Variants in LRRK2 observed in about 807,000 individuals in gnomAD.
The protein encoded by LRRK2 is leucine-rich repeat serine/threonine-protein kinase 2.
A neutral mutation model predicts 302.6 loss-of-function variants in LRRK2; 203 were observed. The ratio of observed to expected loss-of-function variants is 0.67; its 90% CI spans 0.60 to 0.75. The LOEUF (loss-of-function observed/expected upper bound fraction) is 0.75. LRRK2 is among the 30% of genes least tolerant of loss of function. LRRK2 has a pLI of 0.00. For missense variants in LRRK2, 2,830 were observed against 2,951.0 expected, an observed-to-expected ratio of 0.96 and a Z score of 0.95; for synonymous variants, 1,066 against 1,031.9, an observed-to-expected ratio of 1.03 and a Z score of -0.63.
chr12:40,232,954 A>G (rs950326955), intron 3 of LRRK2, among the ~76,000 whole-genome samples: 1 of 152,262 alleles, frequency 6.6e-6, no homozygotes, highest in Non-Finnish European at 1.5e-5. Context: ...AGTTTGCAGC[A>G]TAATGGCTTC....
intron 25 of LRRK2, among the ~76,000 whole-genome samples, chr12:40,301,803 T>C (rs137930990): frequency 2.6e-3 from 389 of 152,252 alleles, no homozygotes; most frequent in African/African-American, 8.8e-3. Flanking sequence ...GAAAAGAGAC[T>C]GTGTGATTTT....
In LRRK2 at chr12:40,335,038, G is replaced by T; in HGVS notation, c.5829G>T (p.Arg1943=). 6.2e-7 allele frequency: 1 copy of T among 1,614,114 alleles called. No individual in the cohort carries two copies. The change falls in exon 40 of 51, where the codon CGG becomes CGT. Residue 1943 remains arginine, a synonymous_variant. Transcript: ENST00000298910. ...TGCTGGCAGCTGGGATTCGTCCCCGGATGTTGGTGATGGAGTTAGCCTCCA... is the reference window on the plus strand; with the variant it reads ...TGCTGGCAGCTGGGATTCGTCCCCGTATGTTGGTGATGGAGTTAGCCTCCA... The part of the protein sequence containing the change: ...ISLLAAGIRP[R]MLVMELASKG...
chr12:40,262,384 T>C (rs1017261322), intron 13 of LRRK2, among the ~76,000 whole-genome samples: 1 of 152,140 alleles, frequency 6.6e-6, no homozygotes, highest in Non-Finnish European at 1.5e-5. Context: ...CATAGAATTG[T>C]AGAGATTTTT....
At chr12:40,287,057 G>T (rs1205523730) in intron 19 of LRRK2, among the ~76,000 whole-genome samples, 1 of 151,948 alleles carries the variant, frequency 6.6e-6, no homozygotes, top group Non-Finnish European at 1.5e-5. Flanking sequence ...TCTATGACTT[G>T]AACACAGGCC....
chr12:40,343,989 A>T (rs1453418106), intron 41 of LRRK2, among the ~76,000 whole-genome samples: 1 of 152,196 alleles, frequency 6.6e-6, no homozygotes, highest in Non-Finnish European at 1.5e-5. Flanking sequence ...GAAGATATTT[A>T]CTTTGAAAAG....
At chr12:40,283,507 T>TTC (rs1943792718) in intron 18 of LRRK2, among the ~76,000 whole-genome samples, 1 of 152,218 alleles carries the variant, frequency 6.6e-6, no homozygotes, top group Admixed American at 6.5e-5. Context: ...GTTAAGGTAC[T>TTC]GGTTTCCCAG....
At chr12:40,310,279 G>A (rs972244469) in intron 30 of LRRK2, 152 bp from the exon 31 acceptor site, 1 of 795,226 alleles carries the variant, frequency 1.3e-6, no homozygotes, top group Non-Finnish European at 2.1e-6. Flanking sequence ...TTAGGTTTAA[G>A]GAAAAAAGGA....
At chr12:40,317,213 A>C (rs1945253343) in intron 33 of LRRK2, among the ~76,000 whole-genome samples, 1 of 152,078 alleles carries the variant, frequency 6.6e-6, no homozygotes, top group South Asian at 2.1e-4. Context: ...TGAGCCACTC[A>C]AAGTTACTTT....
chr12:40,305,741 C>G (rs375432776), intron 27 of LRRK2, 44 bp from the exon 28 acceptor site: 72 of 1,578,682 alleles, frequency 4.6e-5, no homozygotes, highest in Non-Finnish European at 6.1e-5. Flanking sequence ...GAGCACATTT[C>G]TTCCTTCCCA....
chr12:40,328,517 T>A, intron 39 of LRRK2, 57 bp downstream of exon 39: 1 of 1,322,208 alleles, frequency 7.6e-7, no homozygotes, highest in Non-Finnish European at 1.1e-6. Flanking sequence ...CTACTGGAAC[T>A]CTTATTTTGC....
chr12:40,287,550 TAA>T lies in LRRK2; in HGVS notation c.2689+19_2689+20del, dbSNP rs66810434. On this transcript the variant is annotated intron_variant, in intron 20 of 50. Transcript: ENST00000298910. ...ACCTGGATAGTGAAGGTATTTATTA[TAA>T]AAAAAAACCCTTTATGCTTTATATT... The T allele has an allele frequency of 2.5e-6, 4 of 1,602,938 alleles. No homozygotes were observed. The highest frequency in any genetic ancestry group is 2.6e-6 in the Non-Finnish European group (3 of 1,172,838).
intron 46 of LRRK2, among the ~76,000 whole-genome samples, chr12:40,358,781 G>A (rs1452982968): frequency 6.6e-6 from 1 of 152,042 alleles, no homozygotes; most frequent in Admixed American, 6.6e-5. Context: ...GCTTTCATGG[G>A]AATTTCATTG....
chr12:40,298,253 G>A lies in LRRK2; in HGVS notation c.3107G>A (p.Ser1036Asn). 1.9e-6 allele frequency: 3 copies of A among 1,613,444 alleles called. No homozygotes were observed. Among genetic ancestry groups the A allele is most frequent in the Non-Finnish European group, 2.5e-6 (3 of 1,179,894 alleles). The change falls in exon 24 of 51, where the codon AGT (serine) becomes AAT (asparagine). Residue 1036 changes from serine (S) to asparagine (N), a missense_variant. This residue lies in a region of LRRK2 where 2,121 missense variants were observed against 2,148.0 expected (regional missense o/e 0.99). Coordinates refer to ENST00000298910, the MANE Select transcript of LRRK2 (RefSeq NM_198578.4). Reference sequence around the variant, plus strand: ...CTATTGTCTTTTCAGACTCTGAAGAGTTTGACACATTTGGACTTGCACAGT... The same window carrying A: ...CTATTGTCTTTTCAGACTCTGAAGAATTTGACACATTTGGACTTGCACAGT... ...FPQQLCETLK[S>N]LTHLDLHSNK...
At chr12:40,319,600 C>A (rs1452399176) in intron 33 of LRRK2, among the ~76,000 whole-genome samples, 1 of 151,716 alleles carries the variant, frequency 6.6e-6, no homozygotes, top group East Asian at 1.9e-4. Flanking sequence ...AGTAATATTT[C>A]TATTTCAAAC....
chr12:40,274,579 T>G lies in LRRK2; in HGVS notation c.1657-4T>G. 1 of 1,613,572 alleles carries G rather than the reference T, an allele frequency of 6.2e-7. No homozygotes were observed. Among genetic ancestry groups the G allele is most frequent in the African/African-American group, 1.3e-5 (1 of 75,040 alleles). Reference sequence around the variant, plus strand: ...TTTAACAGCGAGTATTCTTTTGATTTTAGTTCATTGGAAATCCTGGGATTC... The same window carrying G: ...TTTAACAGCGAGTATTCTTTTGATTGTAGTTCATTGGAAATCCTGGGATTC... On this transcript the variant is annotated splice_region_variant and splice_polypyrimidine_tract_variant and intron_variant, in intron 14 of 50. Transcript: ENST00000298910.
At chr12:40,298,068 C>T (rs1297973366) in intron 23 of LRRK2, among the ~76,000 whole-genome samples, 175 bp from the exon 24 acceptor site, 1 of 151,892 alleles carries the variant, frequency 6.6e-6, no homozygotes, top group Non-Finnish European at 1.5e-5. Context: ...ACCCATGCTA[C>T]AAGCAGAGAC....
chr12:40,233,563 G>A (rs142886447), intron 3 of LRRK2, among the ~76,000 whole-genome samples: 110 of 152,246 alleles, frequency 7.2e-4, no homozygotes, highest in African/African-American at 2.1e-3. Context: ...TGGAGTTCTC[G>A]TCTTCAATCT....
At chr12:40,258,980 G>A (rs539075390) in intron 12 of LRRK2, among the ~76,000 whole-genome samples, 1 of 152,098 alleles carries the variant, frequency 6.6e-6, no homozygotes, top group Non-Finnish European at 1.5e-5. Flanking sequence ...GAGAAACCAA[G>A]ACTGTAAAAC....
rs1441810458 is a variant in LRRK2 at position 40,295,502 on chromosome 12, C to T, written c.2954C>T (p.Thr985Ile). ...CTGGCTTCTGAGAGAGAATATATTACATCACTAGACCTTTCAGCAAATGAA... is the reference window on the plus strand; with the variant it reads ...CTGGCTTCTGAGAGAGAATATATTATATCACTAGACCTTTCAGCAAATGAA... ...SSLASEREYI[T>I]SLDLSANELR... Residue 985 changes from threonine to isoleucine, a missense_variant, in exon 23 of 51, where the codon ACA (threonine) becomes ATA (isoleucine). Transcript: ENST00000298910. 1 of 1,613,786 alleles carries T rather than the reference C, an allele frequency of 6.2e-7. No individual in the cohort carries two copies. The highest frequency in any genetic ancestry group is 1.3e-5 in the African/African-American group (1 of 74,916).
Sources: gnomAD v4.1 joint callset for allele counts (sites outside exome capture counted in the v4.1 genomes callset) on GRCh38, gnomAD v4.1.1 for gene constraint, gnomAD v4.1.1 regional missense constraint, MANE v1.5 for transcripts, NCBI Gene and HGNC (gene_info 2026-07-23, HGNC 2026-07-21) for gene names.